INSC: variants seen among roughly 807,000 people sequenced by gnomAD.
INSC encodes the protein protein inscuteable homolog.
In INSC, 67 loss-of-function variants were observed where a neutral mutation model predicts 58.6. The ratio of observed to expected loss-of-function variants is 1.14; its 90% CI spans 0.94 to 1.40. The LOEUF is 1.40. Among genes scored for constraint, INSC ranks in the 40% most tolerant of loss-of-function variants. The pLI is 0.00. For synonymous variants in INSC, 262 were observed against 276.1 expected (o/e 0.95, Z 0.51); for missense variants, 714 against 692.0 (o/e 1.03, Z -0.36).
chr11:15,250,791 A>T (rs1852642220), downstream of INSC, among the ~76,000 whole-genome samples: 1 of 152,230 alleles, frequency 6.6e-6, no homozygotes, highest in South Asian at 2.1e-4. Context: ...GATTTTCAGA[A>T]ATGGCTTAGC....
chr11:15,113,119 C>CTTTCTTTCTTTCTTTCTTTCTT (rs1554899333), upstream of INSC, among the ~76,000 whole-genome samples: 6 of 73,264 alleles, frequency 8.2e-5, no homozygotes, highest in Non-Finnish European at 1.6e-4. Context: ...TTCTCTCTCT[C>CTTTCTTTCTTTCTTTCTTTCTT]TCTTTCTTTC....
At chr11:15,222,324 C>T (rs1317946002) in intron 8 of INSC, among the ~76,000 whole-genome samples, 4 of 152,182 alleles carry the variant, frequency 2.6e-5, no homozygotes, top group Non-Finnish European at 5.9e-5. Flanking sequence ...TTTAAAAGTG[C>T]TAACGGTGAT....
chr11:15,132,410 T>G (rs1848146085), intron 1 of INSC, among the ~76,000 whole-genome samples: 1 of 152,102 alleles, frequency 6.6e-6, no homozygotes, highest in Non-Finnish European at 1.5e-5. Context: ...CTCAGCCTCC[T>G]GAGTAGCTGA....
intron 1 of INSC, among the ~76,000 whole-genome samples, chr11:15,123,595 C>A (rs980126118): frequency 6.6e-6 from 1 of 152,092 alleles, no homozygotes; most frequent in Admixed American, 6.5e-5. Context: ...ACCTTACCAT[C>A]TTCTGTACAA....
intron 1 of INSC, among the ~76,000 whole-genome samples, chr11:15,143,283 A>G (rs1848416062): frequency 6.6e-6 from 1 of 152,210 alleles, no homozygotes; most frequent in Admixed American, 6.5e-5. Flanking sequence ...CTTATAATGA[A>G]GGACATGACT....
intron 8 of INSC, among the ~76,000 whole-genome samples, chr11:15,223,983 C>T (rs1198028465): frequency 6.6e-6 from 1 of 152,156 alleles, no homozygotes; most frequent in Admixed American, 6.5e-5. Flanking sequence ...GGCTGAGAGA[C>T]CAGAAGCAAC....
At chr11:15,236,572 A>T (rs1448268753) in intron 10 of INSC, among the ~76,000 whole-genome samples, 1 of 152,162 alleles carries the variant, frequency 6.6e-6, no homozygotes, top group African/African-American at 2.4e-5. Flanking sequence ...ACCAAGGTCC[A>T]GGTGGGGTGG....
chr11:15,189,036 G>A (rs994068499), intron 5 of INSC, among the ~76,000 whole-genome samples: 2 of 152,182 alleles, frequency 1.3e-5, no homozygotes, highest in Non-Finnish European at 2.9e-5. Flanking sequence ...TATATTTAAT[G>A]TAGTTTGATT....
At chr11:15,263,476 CAG>C in the INSC span, among the ~76,000 whole-genome samples, 5 of 152,074 alleles carry the variant, frequency 3.3e-5, no homozygotes, top group East Asian at 1.9e-4. Context: ...TAAAGGTAGA[CAG>C]AGGAAAAAAA....
the INSC span, among the ~76,000 whole-genome samples, chr11:15,262,139 G>A: frequency 6.6e-6 from 1 of 152,058 alleles, no homozygotes; most frequent in Admixed American, 6.6e-5. Context: ...GCCTCCCCTT[G>A]GACAATTTAT....
chr11:15,211,432 A>G (rs1310277581), intron 7 of INSC, among the ~76,000 whole-genome samples: 1 of 152,208 alleles, frequency 6.6e-6, no homozygotes, highest in African/African-American at 2.4e-5. Flanking sequence ...ACTTTGAAAA[A>G]CACGTTCTAC....
rs181132442 is a variant in INSC, at chr11:15,245,787, A to T, written c.1471-125A>T. 1.0e-3 allele frequency: 1,359 copies of T among 1,310,386 alleles called. 30 individuals carry two copies. In the Admixed American group the frequency reaches 0.028, roughly 27 times the overall value. 81.2% of individuals were successfully genotyped at this position (1,310,386 alleles called of 1,614,324 possible). A position where few individuals can be genotyped will look rare whatever the true frequency, so the allele number is the denominator to read the frequency against. On this transcript the variant is annotated intron_variant, in intron 12 of 12. Transcript: ENST00000379556. ...GAGATGCCAAGTGGCTAACATGATG[A>T]TCAACCCAAATTGTCTGGTAAATGC...
rs531535588 is a variant in INSC, at chr11:15,167,357, C to T, written c.57-8384C>T. On this transcript the variant is annotated intron_variant, in intron 2 of 12. Coordinates refer to ENST00000379556, the MANE Select transcript of INSC (RefSeq NM_001042536.3). ...TAGAGGTAGGCGGAGGCAAGGATTC[C>T]CGCACTTACTAATTTGTTCTATGTT... 2.1e-3 allele frequency among the ~76,000 whole-genome samples: 320 copies of T among 152,150 alleles called. 1 individual carries two copies. The highest frequency in any genetic ancestry group is 7.4e-3 in the African/African-American group (309 of 41,492).
intron 7 of INSC, among the ~76,000 whole-genome samples, chr11:15,214,197 CA>C: frequency 6.6e-6 from 1 of 152,304 alleles, no homozygotes; most frequent in South Asian, 2.1e-4. Flanking sequence ...CCTGGATGAA[CA>C]GGTCCATCCT....
intron 2 of INSC, among the ~76,000 whole-genome samples, chr11:15,166,101 G>A (rs2133798485): frequency 6.6e-6 from 1 of 152,306 alleles, no homozygotes; most frequent in East Asian, 1.9e-4. Context: ...GGGATTGCCT[G>A]AGAGATACTG....
chr11:15,160,532 A>G (rs984492852), intron 2 of INSC, among the ~76,000 whole-genome samples: 1 of 152,220 alleles, frequency 6.6e-6, no homozygotes, highest in Non-Finnish European at 1.5e-5. Context: ...TTATATCACC[A>G]TAATGACTCT....
intron 2 of INSC, among the ~76,000 whole-genome samples, chr11:15,153,985 A>T (rs1848731179): frequency 6.6e-6 from 1 of 152,254 alleles, no homozygotes; most frequent in Non-Finnish European, 1.5e-5. Flanking sequence ...CTCACATAGC[A>T]ATTATTTGTA....
intron 9 of INSC, among the ~76,000 whole-genome samples, chr11:15,233,198 A>G (rs992147596): frequency 3.9e-5 from 6 of 152,204 alleles, no homozygotes; most frequent in African/African-American, 1.2e-4. Context: ...GGATTCACCA[A>G]ACAAATGCAG....
At chr11:15,232,882 C>G (rs1302609419) in intron 9 of INSC, among the ~76,000 whole-genome samples, 1 of 152,136 alleles carries the variant, frequency 6.6e-6, no homozygotes, top group Non-Finnish European at 1.5e-5. Flanking sequence ...TTGATTTTCC[C>G]CTAGAGCCCC....
Sources: allele counts gnomAD v4.1 joint callset (sites outside exome capture counted in the v4.1 genomes callset), GRCh38; gene constraint gnomAD v4.1.1; transcripts MANE v1.5; gene names NCBI Gene and HGNC (gene_info 2026-07-23, HGNC 2026-07-21).